The following ADGRB3 variants were observed in gnomAD, a reference collection of about 807,000 sequenced individuals.
The protein encoded by ADGRB3 is adhesion G protein-coupled receptor B3.
ADGRB3 carries 37 observed loss-of-function variants against 193.4 expected under a neutral mutation model. That is an observed-to-expected ratio of 0.19 (90% CI 0.15 to 0.25). The LOEUF (loss-of-function observed/expected upper bound fraction) is 0.25. Among genes scored for constraint, ADGRB3 ranks in the 10% least tolerant of loss-of-function variants. ADGRB3 has a pLI of 1.00. For synonymous variants in ADGRB3, 690 were observed against 644.2 expected (o/e 1.07, Z -1.08); for missense variants, 1,637 against 1,852.9 (o/e 0.88, Z 2.14).
intron 3 of ADGRB3, among the ~76,000 whole-genome samples, chr6:68,739,450 G>C (rs928193769): frequency 6.6e-6 from 1 of 152,088 alleles, no homozygotes; most frequent in Admixed American, 6.6e-5. Flanking sequence ...CTTGTCTTTA[G>C]GTAGGTAAGA....
At chr6:69,215,433 G>T (rs775878705) in intron 17 of ADGRB3, among the ~76,000 whole-genome samples, 4 of 150,660 alleles carry the variant, frequency 2.7e-5, no homozygotes, top group Non-Finnish European at 4.4e-5. Context: ...AGAAAGAAAA[G>T]ATGACAAAAT....
chr6:68,766,740 G>T lies in ADGRB3; in HGVS notation c.757+127308G>T, dbSNP rs929751856. Among the ~76,000 whole-genome samples, 4 of 151,734 alleles carry T rather than the reference G, an allele frequency of 2.6e-5. No homozygotes were observed. In the East Asian group the frequency reaches 7.7e-4, roughly 29 times the overall value. ...TCCCACTCTTCATGAGAATTTACTA[G>T]TCAAACTTGAATAAACTTCAAAAGC... On this transcript the variant is annotated intron_variant, in intron 3 of 31. Coordinates refer to ENST00000370598, the MANE Select transcript of ADGRB3 (RefSeq NM_001704.3).
chr6:69,063,738 C>A (rs780345655), intron 16 of ADGRB3, among the ~76,000 whole-genome samples: 9 of 151,884 alleles, frequency 5.9e-5, no homozygotes, highest in Non-Finnish European at 1.3e-4. Context: ...ATCTATCCAA[C>A]TGCAGCTGAA....
chr6:68,687,283 A>T (rs1764999320), intron 3 of ADGRB3, among the ~76,000 whole-genome samples: 2 of 152,222 alleles, frequency 1.3e-5, no homozygotes, highest in African/African-American at 4.8e-5. Context: ...TTTTCTTTTG[A>T]AAGTTTTATA....
chr6:68,661,325 G>A (rs147855309), intron 3 of ADGRB3, among the ~76,000 whole-genome samples: 11,953 of 84,042 alleles, frequency 0.14, 936 homozygotes, highest in African/African-American at 0.2. Context: ...GTGTGTGTGT[G>A]TATATATATA....
chr6:69,089,366 A>G (rs564291840), intron 17 of ADGRB3, among the ~76,000 whole-genome samples: 6 of 152,302 alleles, frequency 3.9e-5, no homozygotes, highest in Admixed American at 6.5e-5. Context: ...TGTTTTCATG[A>G]TGAATGTCAA....
chr6:69,058,218 G>T (rs749282079), intron 15 of ADGRB3, among the ~76,000 whole-genome samples: 30 of 151,576 alleles, frequency 2.0e-4, no homozygotes, highest in Non-Finnish European at 3.5e-4. Context: ...CTTGTATGTT[G>T]ACATATAATT....
chr6:69,166,045 G>A (rs530137950), intron 17 of ADGRB3, among the ~76,000 whole-genome samples: 9 of 152,072 alleles, frequency 5.9e-5, no homozygotes, highest in East Asian at 5.8e-4. Flanking sequence ...TACTCTTACC[G>A]TTGTACTCAG....
chr6:68,791,836 CATT>C lies in ADGRB3; in HGVS notation c.758-138722_758-138720del, dbSNP rs1411804485. On this transcript the variant is annotated intron_variant, in intron 3 of 31. Transcript: ENST00000370598. Reference sequence around the variant, plus strand: ...ATCAGTTCAATGTGACAATATAGAACATTTTGGCCAAGCCAAAAATATAATAAT... The same window carrying C: ...ATCAGTTCAATGTGACAATATAGAACTTGGCCAAGCCAAAAATATAATAAT... Among the ~76,000 whole-genome samples, 41 of 152,192 alleles carry C rather than the reference CATT, an allele frequency of 2.7e-4. No homozygotes were observed. In the East Asian group the frequency reaches 7.5e-3, roughly 28 times the overall value.
intron 30 of ADGRB3, among the ~76,000 whole-genome samples, chr6:69,380,013 T>A (rs1170772921): frequency 6.6e-6 from 1 of 152,026 alleles, no homozygotes; most frequent in Admixed American, 6.6e-5. Context: ...AACTTTATAT[T>A]TTTCCTGTAT....
chr6:68,959,776 T>TA (rs1768182448), intron 8 of ADGRB3, among the ~76,000 whole-genome samples: 1 of 152,128 alleles, frequency 6.6e-6, no homozygotes, highest in Non-Finnish European at 1.5e-5. Flanking sequence ...AAACATTTTT[T>TA]AAAAATAATG....
chr6:69,290,655 C>T (rs1397538680), intron 20 of ADGRB3, among the ~76,000 whole-genome samples: 1 of 152,100 alleles, frequency 6.6e-6, no homozygotes, highest in African/African-American at 2.4e-5. Context: ...TTTTCTCTGG[C>T]AAACCCCAAA....
intron 3 of ADGRB3, among the ~76,000 whole-genome samples, chr6:68,909,755 T>G (rs1766648395): frequency 6.6e-6 from 1 of 152,216 alleles, no homozygotes; most frequent in Non-Finnish European, 1.5e-5. Context: ...CCTAAAAATA[T>G]CCTTCTGTAG....
At chr6:68,951,263 G>GA (rs1408636153) in intron 6 of ADGRB3, among the ~76,000 whole-genome samples, 2 of 152,106 alleles carry the variant, frequency 1.3e-5, no homozygotes, top group Non-Finnish European at 1.5e-5. Flanking sequence ...TATTGAATAA[G>GA]AAAAAAGTGG....
chr6:69,193,795 A>G (rs903588149), intron 17 of ADGRB3, among the ~76,000 whole-genome samples: 5 of 152,108 alleles, frequency 3.3e-5, no homozygotes, highest in Admixed American at 2.0e-4. Context: ...GGGGCAAGAA[A>G]TATTATGTGA....
intron 17 of ADGRB3, chr6:69,232,668 CA>C (rs1471535946): frequency 6.6e-7 from 1 of 1,508,726 alleles, no homozygotes; most frequent in South Asian, 1.2e-5. Context: ...CAGGCAAAGG[CA>C]ATGAGAGTCG....
At chr6:69,020,869 A>G (rs1243832583) in intron 13 of ADGRB3, among the ~76,000 whole-genome samples, 1 of 152,024 alleles carries the variant, frequency 6.6e-6, no homozygotes, top group Non-Finnish European at 1.5e-5. Context: ...ACTAGTATCA[A>G]ATTAAGTAAT....
At chr6:68,689,679 GT>G (rs200694812) in intron 3 of ADGRB3, among the ~76,000 whole-genome samples, 14 of 148,458 alleles carry the variant, frequency 9.4e-5, no homozygotes, top group Non-Finnish European at 1.5e-4. Flanking sequence ...GTTTGTTTTT[GT>G]TTTTTTTATG....
At chr6:69,170,337 T>C (rs940985025) in intron 17 of ADGRB3, among the ~76,000 whole-genome samples, 2 of 152,212 alleles carry the variant, frequency 1.3e-5, no homozygotes, top group Non-Finnish European at 2.9e-5. Context: ...TTTGCTTTTA[T>C]AGGAAGTATT....
Sources: gnomAD v4.1 joint callset for allele counts (sites outside exome capture counted in the v4.1 genomes callset) on GRCh38, gnomAD v4.1.1 for gene constraint, MANE v1.5 for transcripts, NCBI Gene and HGNC (gene_info 2026-07-23, HGNC 2026-07-21) for gene names.